Variants in GIGYF2 observed in about 807,000 individuals in gnomAD.
GIGYF2 encodes GRB10-interacting GYF protein 2.
A neutral mutation model predicts 208.1 loss-of-function variants in GIGYF2; 25 were observed. That is an observed-to-expected ratio of 0.12 (90% CI 0.09 to 0.17). The LOEUF (loss-of-function observed/expected upper bound fraction) is 0.17, where lower values mean the gene tolerates loss of function less well. Among genes scored for constraint, GIGYF2 ranks in the 10% least tolerant of loss-of-function variants. GIGYF2 has a pLI of 1.00. For synonymous variants in GIGYF2, 534 were observed against 543.8 expected, an observed-to-expected ratio of 0.98 and a Z score of 0.25; for missense variants, 1,302 against 1,579.4, an observed-to-expected ratio of 0.82 and a Z score of 2.98.
intron 8 of GIGYF2, among the ~76,000 whole-genome samples, chr2:232,763,831 CAA>C (rs35848912): frequency 1.8e-4 from 21 of 119,738 alleles, no homozygotes; most frequent in East Asian, 2.5e-4. Flanking sequence ...ACTCTGTCTG[CAA>C]AAAAAAAAAA....
Position 232,720,884 on chromosome 2 carries a change from C to T in GIGYF2, c.-43-14271C>T, listed in dbSNP as rs545485039. 2.6e-4 allele frequency among the ~76,000 whole-genome samples: 40 copies of T among 152,190 alleles called. No homozygotes were observed. The Middle Eastern group carries it at 0.01, about 39-fold the overall frequency. On this transcript the variant is annotated intron_variant, in intron 2 of 28. Coordinates refer to ENST00000373563, the MANE Select transcript of GIGYF2 (RefSeq NM_001103146.3). ...TGCTGGGATTACAGGCATGAGCCAC[C>T]GTGCCCTGCCTCTCTCAGCTGTTTT... is the stretch of plus-strand genomic sequence containing the variant.
intron 3 of GIGYF2, 61 bp downstream of exon 3, chr2:232,735,299 T>C: frequency 8.5e-7 from 1 of 1,171,206 alleles, no homozygotes. Flanking sequence ...GTAAAGTATT[T>C]GACAGGTGCT....
intron 8 of GIGYF2, among the ~76,000 whole-genome samples, chr2:232,786,112 T>C (rs1559430995): frequency 6.6e-6 from 1 of 152,266 alleles, no homozygotes; most frequent in African/African-American, 2.4e-5. Flanking sequence ...TACCAGGCTC[T>C]CTTTTGACAT....
intron 25 of GIGYF2, 79 bp downstream of exon 25, chr2:232,844,653 C>A: frequency 1.1e-6 from 1 of 923,980 alleles, no homozygotes; most frequent in African/African-American, 1.6e-5. Flanking sequence ...GTTGGGTGGG[C>A]AGGAAAAGGT....
chr2:232,842,773 T>C (rs899697304), intron 23 of GIGYF2, among the ~76,000 whole-genome samples: 1 of 151,920 alleles, frequency 6.6e-6, no homozygotes, highest in Non-Finnish European at 1.5e-5. Flanking sequence ...CTTATAGGTG[T>C]GTTCTCTTGT....
chr2:232,860,388 A>G lies in GIGYF2; in HGVS notation c.*3528A>G, dbSNP rs1690729698. The G allele has an allele frequency of 6.7e-6, 1 of 150,180 alleles. No homozygotes were observed. Among genetic ancestry groups the G allele is most frequent in the African/African-American group, 2.4e-5 (1 of 41,104 alleles). 9.3% of individuals were successfully genotyped at this position (150,180 alleles called of 1,614,324 possible). On this transcript the variant is annotated 3_prime_UTR_variant, in exon 29 of 29. Coordinates refer to ENST00000373563, the MANE Select transcript of GIGYF2 (RefSeq NM_001103146.3). ...AACCATTGTATTTATACATGCATAT[A>G]TTTTTATATATACAAATATGTATAT...
intron 2 of GIGYF2, among the ~76,000 whole-genome samples, chr2:232,712,850 T>G (rs978504033): frequency 6.6e-6 from 1 of 152,182 alleles, no homozygotes; most frequent in Non-Finnish European, 1.5e-5. Flanking sequence ...GAAATTGGAA[T>G]AAACATATCA....
intron 2 of GIGYF2, among the ~76,000 whole-genome samples, chr2:232,704,372 C>T (rs1381706217): frequency 6.6e-6 from 1 of 152,170 alleles, no homozygotes; most frequent in Non-Finnish European, 1.5e-5. Context: ...TCTCACCAAG[C>T]ATTCTTGTTG....
In GIGYF2 at chr2:232,739,365, C is replaced by CT; in HGVS notation, c.41+4127_41+4128insT. On this transcript the variant is annotated intron_variant, in intron 3 of 28. Coordinates refer to ENST00000373563, the MANE Select transcript of GIGYF2 (RefSeq NM_001103146.3). ...AAGCCTGGGCAACAAAAGCAAACCC[C>CT]CCCCCCCCCGCAAAAAAAAAGAAAA... Among the ~76,000 whole-genome samples, 9 of 129,038 alleles carry CT rather than the reference C, an allele frequency of 7.0e-5. 3 individuals carry two copies. The highest frequency in any genetic ancestry group is 6.8e-4 in the Admixed American group (9 of 13,294). The allele number at this position is 129,038 out of a possible 152,430, so 84.7% of individuals were successfully genotyped here.
chr2:232,845,879 C>T lies in GIGYF2; in HGVS notation c.3453C>T (p.Asn1151=). ...TTCATGCCCTTAATACGGCAAATAACTTGGATGGTAAGAATTGGGGAGGGA... is the reference window on the plus strand; with the variant it reads ...TTCATGCCCTTAATACGGCAAATAATTTGGATGGTAAGAATTGGGGAGGGA... ...QMLHALNTAN[N]LDVPTFVSFL... The change falls in exon 26 of 29, where the codon AAC becomes AAT. Residue 1151 remains asparagine (N), a synonymous_variant. Coordinates refer to ENST00000373563, the MANE Select transcript of GIGYF2 (RefSeq NM_001103146.3). 6.3e-7 allele frequency: 1 copy of T among 1,599,412 alleles called. No homozygotes were observed. Among genetic ancestry groups the T allele is most frequent in the Non-Finnish European group, 8.6e-7 (1 of 1,166,806 alleles).
At chr2:232,851,033 A>G (rs1690293942) in intron 28 of GIGYF2, among the ~76,000 whole-genome samples, 1 of 152,066 alleles carries the variant, frequency 6.6e-6, no homozygotes, top group African/African-American at 2.4e-5. Flanking sequence ...ATTTTTATCT[A>G]GCATTATGGA....
chr2:232,707,949 C>CTT (rs201133937), intron 2 of GIGYF2, among the ~76,000 whole-genome samples: 86 of 151,234 alleles, frequency 5.7e-4, no homozygotes, highest in African/African-American at 2.0e-3. Flanking sequence ...TTTTGCATTT[C>CTT]TTTTTTTTAA....
At chr2:232,773,072 G>A (rs554726587) in intron 8 of GIGYF2, among the ~76,000 whole-genome samples, 2 of 152,104 alleles carry the variant, frequency 1.3e-5, no homozygotes, top group South Asian at 2.1e-4. Flanking sequence ...GTTAGATGGC[G>A]ATTTCAGTTT....
intron 8 of GIGYF2, among the ~76,000 whole-genome samples, chr2:232,771,800 A>G (rs1213573586): frequency 3.3e-5 from 5 of 152,198 alleles, no homozygotes; most frequent in Admixed American, 6.5e-5. Flanking sequence ...TAAAAGGGGT[A>G]TGTTTAAATA....
At chr2:232,717,530 A>G (rs1191478655) in intron 2 of GIGYF2, among the ~76,000 whole-genome samples, 1 of 152,086 alleles carries the variant, frequency 6.6e-6, no homozygotes, top group African/African-American at 2.4e-5. Flanking sequence ...CCTGACATCT[A>G]TCACCATTTA....
intron 2 of GIGYF2, among the ~76,000 whole-genome samples, chr2:232,719,519 C>G (rs1165185207): frequency 6.6e-6 from 1 of 152,036 alleles, no homozygotes; most frequent in Non-Finnish European, 1.5e-5. Flanking sequence ...TAAGAAGGAC[C>G]TAGGTTGATT....
intron 27 of GIGYF2, 22 bp from the exon 28 acceptor site, chr2:232,850,240 A>T (rs1574954637): frequency 2.5e-6 from 4 of 1,605,036 alleles, no homozygotes; most frequent in African/African-American, 1.3e-5. Context: ...GTGTAATCTC[A>T]GTCATGCTGC....
At chr2:232,734,108 AC>A (rs1358339331) in intron 2 of GIGYF2, among the ~76,000 whole-genome samples, 1 of 129,350 alleles carries the variant, frequency 7.7e-6, no homozygotes, top group Non-Finnish European at 1.7e-5. Context: ...TTATTTTAAA[AC>A]TTTTTTTTTT....
intron 14 of GIGYF2, among the ~76,000 whole-genome samples, chr2:232,804,518 G>C (rs1003948268): frequency 6.6e-6 from 1 of 151,602 alleles, no homozygotes; most frequent in Non-Finnish European, 1.5e-5. Flanking sequence ...TTGAGATGGA[G>C]TCTCACTCTG....
Sources: allele counts gnomAD v4.1 joint callset (sites outside exome capture counted in the v4.1 genomes callset), GRCh38; gene constraint gnomAD v4.1.1; transcripts MANE v1.5; gene names NCBI Gene and HGNC (gene_info 2026-07-23, HGNC 2026-07-21).